Variants in FRY observed in about 807,000 individuals in gnomAD.
FRY encodes the protein protein furry homolog.
FRY carries 128 observed loss-of-function variants against 348.4 expected under a neutral mutation model. The observed-to-expected ratio is 0.37, with a 90% CI of 0.32 to 0.43. The LOEUF (loss-of-function observed/expected upper bound fraction) is 0.43. Ranked by LOEUF, FRY falls within the 20% of genes least tolerant of loss-of-function variation. The pLI is 1.00. For synonymous variants in FRY, 1,370 were observed against 1,374.7 expected, an observed-to-expected ratio of 1.00 and a Z score of 0.08; for missense variants, 2,736 against 3,695.2, an observed-to-expected ratio of 0.74 and a Z score of 6.73.
At chr13:32,156,793 G>A (rs1881146739) in intron 15 of FRY, among the ~76,000 whole-genome samples, 1 of 151,748 alleles carries the variant, frequency 6.6e-6, no homozygotes, top group African/African-American at 2.4e-5. Context: ...GCTAAAATAT[G>A]TTTTTCTTCA....
chr13:32,254,085 A>G, intron 50 of FRY, 139 bp from the exon 51 acceptor site: 2 of 830,920 alleles, frequency 2.4e-6, no homozygotes, highest in Non-Finnish European at 4.2e-6. Context: ...TAAATAATAA[A>G]AGAACATTCT....
At chr13:32,279,930 C>T (rs896432853) in intron 58 of FRY, among the ~76,000 whole-genome samples, 18 of 152,286 alleles carry the variant, frequency 1.2e-4, no homozygotes, top group African/African-American at 3.9e-4. Context: ...AGAGATCAGA[C>T]ATTGAAAAGC....
intron 7 of FRY, among the ~76,000 whole-genome samples, chr13:32,127,639 A>T (rs954190988): frequency 6.6e-6 from 1 of 151,950 alleles, no homozygotes; most frequent in African/African-American, 2.4e-5. Flanking sequence ...ATTAGCTGGG[A>T]GTGGTGGCAC....
At chr13:32,267,119 T>C (rs749978811) in intron 54 of FRY, 51 bp from the exon 55 acceptor site, 11 of 1,506,014 alleles carry the variant, frequency 7.3e-6, no homozygotes, top group Non-Finnish European at 1.0e-5. Context: ...AAACCCAGTA[T>C]AGGATGAGAA....
intron 11 of FRY, among the ~76,000 whole-genome samples, chr13:32,138,139 T>C (rs1286433151): frequency 2.6e-5 from 4 of 151,184 alleles, no homozygotes; most frequent in Non-Finnish European, 4.4e-5. Context: ...TTTGTTTTGT[T>C]TTTTTGTTTT....
At chr13:32,117,945 C>T (rs895148229) in intron 4 of FRY, among the ~76,000 whole-genome samples, 3 of 152,190 alleles carry the variant, frequency 2.0e-5, no homozygotes, top group African/African-American at 4.8e-5. Flanking sequence ...GGCAGCTCCC[C>T]GCCTCTCTGT....
intron 4 of FRY, among the ~76,000 whole-genome samples, chr13:32,120,939 C>T (rs1224895729): frequency 1.3e-5 from 2 of 152,204 alleles, no homozygotes; most frequent in Non-Finnish European, 2.9e-5. Context: ...GGATTACAGG[C>T]GTGAGCCACC....
intron 35 of FRY, among the ~76,000 whole-genome samples, chr13:32,217,097 C>G (rs1282969827): frequency 1.3e-5 from 2 of 152,130 alleles, no homozygotes; most frequent in Non-Finnish European, 2.9e-5. Flanking sequence ...TTAGTAAGGA[C>G]AGCAATAGCC....
chr13:32,276,845 T>TA (rs1888560447), intron 57 of FRY, among the ~76,000 whole-genome samples: 1 of 152,260 alleles, frequency 6.6e-6, no homozygotes, highest in South Asian at 2.1e-4. Context: ...TTACCAAAGT[T>TA]ACAACTTTTC....
chr13:32,196,260 A>G (rs1056977037), intron 29 of FRY, among the ~76,000 whole-genome samples: 1 of 152,230 alleles, frequency 6.6e-6, no homozygotes, highest in Non-Finnish European at 1.5e-5. Context: ...GAATTCTTGT[A>G]AGATAAATAA....
At position 32,247,594 on chromosome 13, in the gene FRY, T is replaced by C. The variant is rs186480969; in HGVS notation, c.7008+92T>C. ...AGTTGCCTGGAAAAAAGAAGACTTA[T>C]TTGACAGTTATTTCAAATGAAGATT... On this transcript the variant is annotated intron_variant, in intron 48 of 60. Transcript: ENST00000542859. 399 of 1,008,336 alleles carry C rather than the reference T, an allele frequency of 4.0e-4. 1 individual carries two copies. The African/African-American group carries it at 5.9e-3, about 15-fold the overall frequency. 62.5% of individuals were successfully genotyped at this position (1,008,336 alleles called of 1,614,324 possible).
At chr13:32,172,166 G>A (rs2138216719) in intron 18 of FRY, among the ~76,000 whole-genome samples, 1 of 151,902 alleles carries the variant, frequency 6.6e-6, no homozygotes, top group South Asian at 2.1e-4. Flanking sequence ...ATATTGATGT[G>A]GACGTGGATG....
chr13:32,279,347 G>A (rs758919922), intron 58 of FRY, among the ~76,000 whole-genome samples: 4 of 152,186 alleles, frequency 2.6e-5, no homozygotes, highest in South Asian at 4.1e-4. Context: ...GTAAGGGCCC[G>A]GAGGCAGGGG....
Position 32,065,387 on chromosome 13 carries a change from C to T in FRY, c.71-13447C>T, listed in dbSNP as rs534642332. On this transcript the variant is annotated intron_variant, in intron 1 of 60. Transcript: ENST00000542859. ...GTGGCACAATCTCAGCTCACTGAGA[C>T]CTCCACCTCCCGGGTTCAAGCAGTT... 3.4e-5 allele frequency among the ~76,000 whole-genome samples: 5 copies of T among 145,320 alleles called. No homozygotes were observed. In the East Asian group the frequency reaches 1.1e-3, roughly 31 times the overall value.
At chr13:32,224,520 T>C in intron 37 of FRY, 135 bp downstream of exon 37, 2 of 790,742 alleles carry the variant, frequency 2.5e-6, no homozygotes, top group Non-Finnish European at 4.0e-6. Flanking sequence ...CTGATTTGAC[T>C]GTCAGCTTCC....
At position 32,080,499 on chromosome 13, in the gene FRY, A is replaced by G. The variant is rs566945938; in HGVS notation, c.270+1466A>G. 4.9e-4 allele frequency among the ~76,000 whole-genome samples: 75 copies of G among 152,356 alleles called. 3 individuals carry two copies. The South Asian group carries it at 0.016, about 32-fold the overall frequency. ...CTCAAACTAGGTGGCTTCAGAACCC[A>G]CATCTGAACCCCTCTATACTTTATT... On this transcript the variant is annotated intron_variant, in intron 2 of 60. Coordinates refer to ENST00000542859, the MANE Select transcript of FRY (RefSeq NM_023037.3).
At chr13:32,163,671 A>G (rs757222115) in intron 17 of FRY, among the ~76,000 whole-genome samples, 15 of 152,070 alleles carry the variant, frequency 9.9e-5, no homozygotes, top group Non-Finnish European at 1.9e-4. Flanking sequence ...CTCTAATGCT[A>G]TTTTGCTATA....
At position 32,225,909 on chromosome 13, in the gene FRY, G is replaced by A. The variant is rs544127082; in HGVS notation, c.5141G>A (p.Arg1714Gln). The A allele has an allele frequency of 3.7e-6, 6 of 1,614,080 alleles. No homozygotes were observed. Among genetic ancestry groups the A allele is most frequent in the South Asian group, 1.1e-5 (1 of 91,084 alleles). The change falls in exon 39 of 61, where the codon CGA (arginine) becomes CAA (glutamine). Residue 1714 changes from arginine to glutamine, a missense_variant. Physicochemically the swap from Arg to Gln is conservative, Grantham distance 43 (BLOSUM62 1). This residue lies in a region of FRY where 794 missense variants were observed against 977.0 expected (regional missense o/e 0.81). Coordinates refer to ENST00000542859, the MANE Select transcript of FRY (RefSeq NM_023037.3). Reference sequence around the variant, plus strand: ...ATTGCTTCCGTGCTCCTGCAGACCCGAGAGATGGGTGAAGCTAAGACTCTA... The same window carrying A: ...ATTGCTTCCGTGCTCCTGCAGACCCAAGAGATGGGTGAAGCTAAGACTCTA... Reference protein sequence around the residue: ...HSIASVLLQTREMGEAKTLTV... With the variant: ...HSIASVLLQTQEMGEAKTLTV...
intron 1 of FRY, among the ~76,000 whole-genome samples, chr13:32,054,656 A>G (rs1196828943): frequency 6.6e-6 from 1 of 152,058 alleles, no homozygotes; most frequent in Non-Finnish European, 1.5e-5. Flanking sequence ...GGCGGATCAC[A>G]AGGTCAGGAG....
Sources: allele counts gnomAD v4.1 joint callset (sites outside exome capture counted in the v4.1 genomes callset), GRCh38; gene constraint gnomAD v4.1.1; regional missense constraint gnomAD v4.1.1; transcripts MANE v1.5; gene names NCBI Gene and HGNC (gene_info 2026-07-23, HGNC 2026-07-21).